SERPINB12: variants seen among roughly 807,000 people sequenced by gnomAD.
SERPINB12 encodes serpin B12.
In SERPINB12, 57 loss-of-function variants were observed where a neutral mutation model predicts 41.1. The ratio of observed to expected loss-of-function variants is 1.39; its 90% CI spans 1.12 to 1.73. The LOEUF is 1.73. Among genes scored for constraint, SERPINB12 ranks in the 40% most tolerant of loss-of-function variants. The pLI, the probability that SERPINB12 is intolerant of heterozygous loss-of-function variation, is 0.00. For missense variants in SERPINB12, 536 were observed against 501.9 expected (o/e 1.07, Z -0.65); for synonymous variants, 180 against 181.3 (o/e 0.99, Z 0.06).
intron 5 of SERPINB12, among the ~76,000 whole-genome samples, chr18:63,562,870 T>C (rs769950620): frequency 6.6e-6 from 1 of 152,230 alleles, no homozygotes; most frequent in Non-Finnish European, 1.5e-5. Context: ...TTAAGACATC[T>C]GCAAATATTC....
chr18:63,564,205 T>C lies in SERPINB12; in HGVS notation c.705+85T>C, dbSNP rs985842751. 8 of 1,354,572 alleles carry C rather than the reference T, an allele frequency of 5.9e-6. No individual in the cohort carries two copies. In the Admixed American group the frequency reaches 1.8e-4, roughly 30 times the overall value. The allele number at this position is 1,354,572 out of a possible 1,614,324, so 83.9% of individuals were successfully genotyped here. A position where few individuals can be genotyped will look rare whatever the true frequency, so the allele number is the denominator to read the frequency against. On this transcript the variant is annotated intron_variant, in intron 6 of 7. Transcript: ENST00000382768. ...ATTTACAATATGTATACTCGAAAAG[T>C]TACAGCTTACATTTACAATAAGAAC...
chr18:63,556,218 G>T lies in SERPINB12; in HGVS notation c.59G>T (p.Gly20Val), dbSNP rs2144331904. The change falls in exon 2 of 8, where the codon GGC becomes GTC. Residue 20 changes from glycine to valine, a missense_variant. Physicochemically the swap from Gly to Val is moderately radical, Grantham distance 109. Coordinates refer to ENST00000382768, the MANE Select transcript of SERPINB12 (RefSeq NM_001307928.2). ...KFCFDLFQEIGKDDRHKNIFF... is the reference protein window; with the variant it reads ...KFCFDLFQEIVKDDRHKNIFF... Reference sequence around the variant, plus strand: ...TGCTTTGATCTTTTTCAAGAGATAGGCAAAGATGATCGTCATAAAAACATA... The same window carrying T: ...TGCTTTGATCTTTTTCAAGAGATAGTCAAAGATGATCGTCATAAAAACATA... 6.2e-7 allele frequency: 1 copy of T among 1,613,932 alleles called. No individual in the cohort carries two copies. The highest frequency in any genetic ancestry group is 2.2e-5 in the East Asian group (1 of 44,880).
intron 1 of SERPINB12, among the ~76,000 whole-genome samples, chr18:63,543,586 T>G (rs1910319421): frequency 1.3e-5 from 1 of 78,468 alleles, no homozygotes; most frequent in Admixed American, 1.2e-4. Flanking sequence ...TTATTTATTT[T>G]TATTTTTATT....
chr18:63,569,098 G>A lies in SERPINB12; in HGVS notation c.*2087G>A, dbSNP rs1049758569. 5.9e-5 allele frequency among the ~76,000 whole-genome samples: 9 copies of A among 151,512 alleles called. No individual in the cohort carries two copies. The highest frequency in any genetic ancestry group is 4.0e-4 in the Admixed American group (6 of 15,174). The stretch of plus-strand genomic sequence containing the variant: ...ACCTATATATAGGCCTGCACTGCCC[G>A]GCATTTCTTTTGTTCTTATTCTTTT... On this transcript the variant is annotated 3_prime_UTR_variant, in exon 8 of 8. Coordinates refer to ENST00000382768, the MANE Select transcript of SERPINB12 (RefSeq NM_001307928.2).
intron 1 of SERPINB12, among the ~76,000 whole-genome samples, 137 bp from the exon 2 acceptor site, chr18:63,556,005 G>T (rs544863322): frequency 3.3e-5 from 5 of 152,134 alleles, no homozygotes; most frequent in African/African-American, 2.4e-5. Context: ...GGATGATAAT[G>T]ACCTTAGTTT....
At chr18:63,531,155 C>T in the SERPINB12 span, among the ~76,000 whole-genome samples, 1 of 152,138 alleles carries the variant, frequency 6.6e-6, no homozygotes, top group African/African-American at 2.4e-5. Flanking sequence ...ACTCAATGAG[C>T]AATTGTTGAT....
chr18:63,521,713 C>T, the SERPINB12 span, among the ~76,000 whole-genome samples: 1 of 152,214 alleles, frequency 6.6e-6, no homozygotes, highest in African/African-American at 2.4e-5. Context: ...CCATCCACAA[C>T]AGTCAACTGC....
the SERPINB12 span, among the ~76,000 whole-genome samples, chr18:63,520,525 T>C: frequency 1.3e-5 from 2 of 151,396 alleles, no homozygotes; most frequent in Non-Finnish European, 2.9e-5. Flanking sequence ...GGCTGAGGAG[T>C]CAACAGGTGT....
At chr18:63,520,303 C>T in the SERPINB12 span, among the ~76,000 whole-genome samples, 1 of 152,126 alleles carries the variant, frequency 6.6e-6, no homozygotes, top group Non-Finnish European at 1.5e-5. Context: ...TCTGCCCAGC[C>T]CTAGAGGATG....
At position 63,556,237 on chromosome 18, in the gene SERPINB12, A is replaced by G; in HGVS notation, c.78A>G (p.Lys26=). Residue 26 remains lysine (K), a synonymous_variant, in exon 2 of 8, where the codon AAA becomes AAG. Coordinates refer to ENST00000382768, the MANE Select transcript of SERPINB12 (RefSeq NM_001307928.2). ...AGATAGGCAAAGATGATCGTCATAA[A>G]AACATATTTTTCTCTCCCCTGAGCC... ...FQEIGKDDRH[K]NIFFSPLSLS... is the part of the protein sequence containing the mutation. 6.2e-7 allele frequency: 1 copy of G among 1,614,072 alleles called. No individual in the cohort carries two copies. The highest frequency in any genetic ancestry group is 8.5e-7 in the Non-Finnish European group (1 of 1,179,962).
the SERPINB12 span, among the ~76,000 whole-genome samples, chr18:63,522,986 A>G: frequency 6.6e-6 from 1 of 152,192 alleles, no homozygotes; most frequent in Admixed American, 6.5e-5. Flanking sequence ...TCATTTGATA[A>G]TGTTTCCCAT....
chr18:63,538,250 T>C (rs1407419863), upstream of SERPINB12, among the ~76,000 whole-genome samples: 1 of 152,168 alleles, frequency 6.6e-6, no homozygotes, highest in Non-Finnish European at 1.5e-5. Context: ...ACTCAGTGAT[T>C]TTAAATAAAT....
chr18:63,537,266 G>T, the SERPINB12 span, among the ~76,000 whole-genome samples: 1 of 152,166 alleles, frequency 6.6e-6, no homozygotes, highest in African/African-American at 2.4e-5. Context: ...GGTGCACTCT[G>T]TGTCTCTCCT....
chr18:63,547,274 G>C (rs1775125970), intron 1 of SERPINB12, among the ~76,000 whole-genome samples: 1 of 151,442 alleles, frequency 6.6e-6, no homozygotes, highest in Admixed American at 6.6e-5. Flanking sequence ...TTGACATATT[G>C]TATTTTATCT....
chr18:63,558,459 A>G lies in SERPINB12; in HGVS notation c.276A>G (p.Lys92=), dbSNP rs1008618484. 1.2e-6 allele frequency: 2 copies of G among 1,613,510 alleles called. No individual in the cohort carries two copies. The highest frequency in any genetic ancestry group is 1.3e-5 in the African/African-American group (1 of 74,902). The part of the protein sequence containing the change: ...VLADSSLEGQ[K]KTTEPLDQQA... Reference sequence around the variant, plus strand: ...CTGACAGCTCTCTGGAGGGGCAGAAAAAAACGACAGAGCCTCTGGATCAGC... The same window carrying G: ...CTGACAGCTCTCTGGAGGGGCAGAAGAAAACGACAGAGCCTCTGGATCAGC... Residue 92 remains lysine, a synonymous_variant, in exon 3 of 8, where the codon AAA becomes AAG. Transcript: ENST00000382768.
chr18:63,525,795 C>G, the SERPINB12 span, among the ~76,000 whole-genome samples: 1 of 152,058 alleles, frequency 6.6e-6, no homozygotes, highest in Non-Finnish European at 1.5e-5. Flanking sequence ...GATTTTATAG[C>G]CTGTAAATAT....
chr18:63,560,888 AT>A (rs1910881560), intron 4 of SERPINB12, among the ~76,000 whole-genome samples, 196 bp from the exon 5 acceptor site: 1 of 152,220 alleles, frequency 6.6e-6, no homozygotes, highest in African/African-American at 2.4e-5. Flanking sequence ...TGATATCCTC[AT>A]TTTTCACTAA....
At chr18:63,558,883 A>C (rs1315204646) in intron 3 of SERPINB12, among the ~76,000 whole-genome samples, 1 of 152,082 alleles carries the variant, frequency 6.6e-6, no homozygotes, top group Non-Finnish European at 1.5e-5. Context: ...CTGACAGACA[A>C]AACTTTTATT....
intron 1 of SERPINB12, among the ~76,000 whole-genome samples, chr18:63,543,025 C>G (rs1024572781): frequency 6.6e-6 from 1 of 152,108 alleles, no homozygotes; most frequent in Admixed American, 6.6e-5. Flanking sequence ...ACCACATTTT[C>G]TTTATTTAGA....
Sources: allele counts gnomAD v4.1 joint callset (sites outside exome capture counted in the v4.1 genomes callset), GRCh38; gene constraint gnomAD v4.1.1; transcripts MANE v1.5; gene names NCBI Gene and HGNC (gene_info 2026-07-23, HGNC 2026-07-21).